Variants in RGS3 observed in about 807,000 individuals in gnomAD.
RGS3 encodes regulator of G-protein signalling 3.
A neutral mutation model predicts 132.6 loss-of-function variants in RGS3; 80 were observed. The observed-to-expected ratio is 0.60, with a 90% CI of 0.50 to 0.73. RGS3 has a LOEUF of 0.73. Among genes scored for constraint, RGS3 ranks in the 30% least tolerant of loss-of-function variants. The probability of loss-of-function intolerance (pLI) is 0.00; values close to 1 mark genes in which losing one functional copy is unlikely to be tolerated. For missense variants in RGS3, 1,382 were observed against 1,530.8 expected, an observed-to-expected ratio of 0.90 and a Z score of 1.62; for synonymous variants, 598 against 620.6, an observed-to-expected ratio of 0.96 and a Z score of 0.54.
At chr9:113,551,945 CCTCA>C (rs1833357173) in intron 19 of RGS3, among the ~76,000 whole-genome samples, 1 of 152,176 alleles carries the variant, frequency 6.6e-6, no homozygotes, top group Non-Finnish European at 1.5e-5. Context: ...TTCTTTAAAT[CCTCA>C]CTAACTCTAT....
chr9:113,486,735 C>T (rs1830344391), intron 7 of RGS3, among the ~76,000 whole-genome samples: 1 of 152,222 alleles, frequency 6.6e-6, no homozygotes. Context: ...ACCTGGAAAA[C>T]ATTTTTGGGT....
At chr9:113,582,476 C>T (rs1778767534) in intron 19 of RGS3, 1 of 152,334 alleles carries the variant, frequency 6.6e-6, no homozygotes, top group African/African-American at 2.4e-5. Flanking sequence ...GAAGACAGAA[C>T]CTGGGCTCTA....
chr9:113,574,035 A>G (rs1197374668), intron 19 of RGS3, among the ~76,000 whole-genome samples: 4 of 152,220 alleles, frequency 2.6e-5, no homozygotes, highest in African/African-American at 9.6e-5. Flanking sequence ...ATTAAAAATG[A>G]TACTGATCTC....
intron 19 of RGS3, among the ~76,000 whole-genome samples, chr9:113,572,428 C>T (rs1313410451): frequency 2.0e-5 from 3 of 151,896 alleles, no homozygotes; most frequent in Non-Finnish European, 2.9e-5. Context: ...GCCTGAGGCT[C>T]GGGAGGGTGA....
At chr9:113,505,351 C>T in intron 10 of RGS3, 91 bp from the exon 9 acceptor site, 1 of 1,131,978 alleles carries the variant, frequency 8.8e-7, no homozygotes, top group Non-Finnish European at 1.3e-6. Context: ...GAGGGTGGCT[C>T]TTGGCAGGGG....
intron 10 of RGS3, among the ~76,000 whole-genome samples, chr9:113,502,773 A>C (rs1484740755): frequency 6.6e-6 from 1 of 152,224 alleles, no homozygotes; most frequent in Non-Finnish European, 1.5e-5. Flanking sequence ...TTTCTGTGTT[A>C]GAAACCAGTG....
chr9:113,490,132 A>T (rs570698449), intron 7 of RGS3, among the ~76,000 whole-genome samples: 7 of 152,284 alleles, frequency 4.6e-5, no homozygotes, highest in African/African-American at 1.7e-4. Flanking sequence ...GCTGAGCCTC[A>T]ATTTCCTTGT....
intron 7 of RGS3, among the ~76,000 whole-genome samples, chr9:113,493,409 G>A (rs770309897): frequency 2.0e-5 from 3 of 152,234 alleles, no homozygotes; most frequent in Admixed American, 6.5e-5. Flanking sequence ...GGGAGCAGGA[G>A]TGATGAACTG....
At chr9:113,553,459 A>AAAAAAAAAATATATAT (rs1426114805) in intron 19 of RGS3, among the ~76,000 whole-genome samples, 9 of 58,690 alleles carry the variant, frequency 1.5e-4, no homozygotes, top group East Asian at 8.6e-4. Context: ...AAAAAAAAAA[A>AAAAAAAAAATATATAT]ATATATATAT....
chr9:113,515,066 G>T (rs999731149), intron 15 of RGS3, among the ~76,000 whole-genome samples: 1 of 152,094 alleles, frequency 6.6e-6, no homozygotes, highest in Non-Finnish European at 1.5e-5. Context: ...TGCTCTCCCT[G>T]GTCTCTGCAA....
intron 13 of RGS3, 73 bp from the exon 12 acceptor site, chr9:113,508,468 G>A (rs1291677793): frequency 3.0e-5 from 48 of 1,578,972 alleles, no homozygotes; most frequent in African/African-American, 1.9e-4. Flanking sequence ...TGGGGCCCCC[G>A]TGTCCAGCAG....
intron 13 of RGS3, 75 bp from the exon 12 acceptor site, chr9:113,508,466 C>T (rs1375443505): frequency 4.4e-6 from 7 of 1,574,450 alleles, no homozygotes; most frequent in Non-Finnish European, 6.1e-6. Flanking sequence ...CCTGGGGCCC[C>T]CGTGTCCAGC....
chr9:113,584,623 A>G (rs1039354103), intron 20 of RGS3, among the ~76,000 whole-genome samples, 196 bp downstream of exon 18: 1 of 152,202 alleles, frequency 6.6e-6, no homozygotes, highest in African/African-American at 2.4e-5. Flanking sequence ...ACTTAAACAC[A>G]TGACTTTAGG....
intron 10 of RGS3, among the ~76,000 whole-genome samples, chr9:113,503,884 C>T (rs997605498): frequency 5.3e-5 from 8 of 152,208 alleles, no homozygotes; most frequent in Non-Finnish European, 1.0e-4. Context: ...TTTCCACACT[C>T]GTACCCGCGT....
chr9:113,478,304 T>C (rs552696181), intron 3 of RGS3, among the ~76,000 whole-genome samples: 2 of 152,288 alleles, frequency 1.3e-5, no homozygotes, highest in Admixed American at 6.5e-5. Context: ...TCCTTTCTTT[T>C]TAATTATAGA....
At chr9:113,535,842 G>T (rs1041549335) in intron 18 of RGS3, among the ~76,000 whole-genome samples, 4 of 152,132 alleles carry the variant, frequency 2.6e-5, no homozygotes, top group African/African-American at 9.7e-5. Flanking sequence ...CTCCCCTGAT[G>T]AGAGTACCCG....
chr9:113,523,707 C>T (rs913734949), intron 17 of RGS3, among the ~76,000 whole-genome samples: 6 of 152,094 alleles, frequency 3.9e-5, no homozygotes, highest in African/African-American at 9.7e-5. Context: ...TTTGGTTTGG[C>T]GCCTGAGGTC....
chr9:113,568,854 A>G (rs1279094297), intron 19 of RGS3, among the ~76,000 whole-genome samples: 2 of 152,162 alleles, frequency 1.3e-5, no homozygotes, highest in Non-Finnish European at 2.9e-5. Context: ...AACCAGCTGT[A>G]CCCTGGCTTC....
At chr9:113,534,247 G>C (rs749028800) in intron 18 of RGS3, among the ~76,000 whole-genome samples, 4 of 152,160 alleles carry the variant, frequency 2.6e-5, no homozygotes, top group Non-Finnish European at 5.9e-5. Flanking sequence ...CCTTCTTACC[G>C]TTCATGCCTT....
Sources: allele counts gnomAD v4.1 joint callset (sites outside exome capture counted in the v4.1 genomes callset), GRCh38; gene constraint gnomAD v4.1.1; transcripts MANE v1.5; gene names NCBI Gene and HGNC (gene_info 2026-07-23, HGNC 2026-07-21).